The following EYS variants were observed in gnomAD, a reference collection of about 807,000 sequenced individuals.
EYS encodes EGF-like photoreceptor maintenance factor.
Under a neutral mutation model 282.1 loss-of-function variants are expected in EYS, and 250 were observed. The observed-to-expected ratio is 0.89, with a 90% CI of 0.80 to 0.98. The LOEUF is 0.98. Among genes scored for constraint, EYS ranks in the 50% least tolerant of loss-of-function variants. EYS has a pLI of 0.00. For synonymous variants in EYS, 1,355 were observed against 1,282.9 expected, an observed-to-expected ratio of 1.06 and a Z score of -1.20; for missense variants, 4,016 against 3,709.0, an observed-to-expected ratio of 1.08 and a Z score of -2.15.
At chr6:64,257,280 T>G (rs1267922746) in intron 30 of EYS, among the ~76,000 whole-genome samples, 2 of 151,996 alleles carry the variant, frequency 1.3e-5, no homozygotes, top group Non-Finnish European at 2.9e-5. Flanking sequence ...AGGCCTAGAG[T>G]TCATGATCCG....
At chr6:65,160,188 T>A (rs1764820683) in intron 12 of EYS, among the ~76,000 whole-genome samples, 1 of 150,948 alleles carries the variant, frequency 6.6e-6, no homozygotes, top group Non-Finnish European at 1.5e-5. Flanking sequence ...ATGTAAAATT[T>A]GGAGAGCTGG....
intron 26 of EYS, among the ~76,000 whole-genome samples, chr6:64,486,965 G>C (rs1425894556): frequency 6.6e-6 from 1 of 151,272 alleles, no homozygotes; most frequent in Non-Finnish European, 1.5e-5. Context: ...TATAATAAAT[G>C]ACATAGCTAG....
intron 2 of EYS, among the ~76,000 whole-genome samples, chr6:65,576,502 C>A (rs767579845): frequency 1.3e-5 from 2 of 151,782 alleles, no homozygotes; most frequent in African/African-American, 2.4e-5. Flanking sequence ...GGAAGATTTT[C>A]CTGTAAGATG....
At chr6:65,420,081 T>G (rs1210294652) in intron 5 of EYS, among the ~76,000 whole-genome samples, 2 of 152,076 alleles carry the variant, frequency 1.3e-5, no homozygotes, top group East Asian at 3.9e-4. Flanking sequence ...TGGATCAGGG[T>G]GGTGGTTGCT....
At chr6:63,733,266 A>G (rs935871709) in intron 41 of EYS, among the ~76,000 whole-genome samples, 1 of 152,060 alleles carries the variant, frequency 6.6e-6, no homozygotes, top group Non-Finnish European at 1.5e-5. Context: ...CTAGCCTGCA[A>G]CTTCTCTTCT....
chr6:63,847,108 C>T (rs938771642), intron 36 of EYS, among the ~76,000 whole-genome samples: 2 of 151,970 alleles, frequency 1.3e-5, no homozygotes, highest in Non-Finnish European at 2.9e-5. Context: ...ATTTATAACT[C>T]CCTTTTGAAG....
At chr6:65,471,797 A>T (rs1765228146) in intron 5 of EYS, among the ~76,000 whole-genome samples, 1 of 152,134 alleles carries the variant, frequency 6.6e-6, no homozygotes, top group South Asian at 2.1e-4. Context: ...ATTTCTAATA[A>T]AATATTTTAA....
At chr6:64,898,626 G>A (rs553163355) in intron 18 of EYS, among the ~76,000 whole-genome samples, 1 of 151,314 alleles carries the variant, frequency 6.6e-6, no homozygotes, top group African/African-American at 2.4e-5. Flanking sequence ...ATGTAAATGG[G>A]CTAAATGCCC....
At chr6:65,235,768 A>AGT (rs1766906767) in intron 12 of EYS, among the ~76,000 whole-genome samples, 1 of 152,138 alleles carries the variant, frequency 6.6e-6, no homozygotes, top group African/African-American at 2.4e-5. Flanking sequence ...ACAAAGCAAA[A>AGT]TATATACATT....
At chr6:64,729,937 T>C (rs537156680) in intron 22 of EYS, among the ~76,000 whole-genome samples, 2 of 152,254 alleles carry the variant, frequency 1.3e-5, no homozygotes, top group South Asian at 4.1e-4. Flanking sequence ...AAGACATTAA[T>C]AACAGAAGAT....
chr6:64,489,378 C>T (rs1003146812), intron 26 of EYS, among the ~76,000 whole-genome samples: 2 of 150,326 alleles, frequency 1.3e-5, no homozygotes, highest in African/African-American at 4.9e-5. Context: ...TTTGTATACA[C>T]ATGTGTACTT....
chr6:64,027,492 G>A (rs138593858), intron 33 of EYS, among the ~76,000 whole-genome samples: 1 of 152,072 alleles, frequency 6.6e-6, no homozygotes, highest in African/African-American at 2.4e-5. Flanking sequence ...TGGCAACCTC[G>A]GTGTTCTATA....
At chr6:65,097,649 A>G (rs967234602) in intron 12 of EYS, among the ~76,000 whole-genome samples, 1 of 150,894 alleles carries the variant, frequency 6.6e-6, no homozygotes, top group Non-Finnish European at 1.5e-5. Flanking sequence ...AGTGTGGTAC[A>G]TATGTACGAT....
chr6:65,202,755 A>T (rs1182097574), intron 12 of EYS, among the ~76,000 whole-genome samples: 1 of 152,090 alleles, frequency 6.6e-6, no homozygotes, highest in Non-Finnish European at 1.5e-5. Context: ...ATCTGGGCAC[A>T]AATGGTTTTG....
chr6:65,477,301 A>G (rs1000128940), intron 5 of EYS, among the ~76,000 whole-genome samples: 1 of 152,202 alleles, frequency 6.6e-6, no homozygotes, highest in Non-Finnish European at 1.5e-5. Flanking sequence ...GAGTAATTAG[A>G]GAGATGTTTC....
At chr6:65,539,555 C>T (rs146959003) in intron 2 of EYS, among the ~76,000 whole-genome samples, 26 of 152,160 alleles carry the variant, frequency 1.7e-4, no homozygotes, top group African/African-American at 5.8e-4. Context: ...TAATAATACT[C>T]CGAATCACCA....
chr6:64,769,115 C>T (rs1474574652), intron 22 of EYS, among the ~76,000 whole-genome samples: 1 of 152,054 alleles, frequency 6.6e-6, no homozygotes, highest in Non-Finnish European at 1.5e-5. Context: ...TTTTATCATA[C>T]TTATATGAAA....
At chr6:64,704,451 A>ATATAATTATAATATAATATAATTATAT (rs1770905030) in intron 22 of EYS, among the ~76,000 whole-genome samples, 2 of 119,588 alleles carry the variant, frequency 1.7e-5, no homozygotes, top group African/African-American at 3.2e-5. Context: ...CTATATTATA[A>ATATAATTATAATATAATATAATTATAT]TATAATTATA....
intron 2 of EYS, among the ~76,000 whole-genome samples, chr6:65,496,525 C>A (rs1381532033): frequency 1.3e-5 from 2 of 151,944 alleles, no homozygotes; most frequent in Admixed American, 1.3e-4. Flanking sequence ...AAAACGTGTT[C>A]TTTGGATCTC....
Sources: allele counts gnomAD v4.1 joint callset (sites outside exome capture counted in the v4.1 genomes callset), GRCh38; gene constraint gnomAD v4.1.1; transcripts MANE v1.5; gene names NCBI Gene and HGNC (gene_info 2026-07-23, HGNC 2026-07-21).